WNT4: variants seen among roughly 807,000 people sequenced by gnomAD.
The protein encoded by WNT4 is protein Wnt-4.
Under a neutral mutation model 34.5 loss-of-function variants are expected in WNT4, and 16 were observed. The ratio of observed to expected loss-of-function variants is 0.46; its 90% CI spans 0.31 to 0.70. The LOEUF is 0.70. Ranked by LOEUF, WNT4 falls within the 30% of genes least tolerant of loss-of-function variation. The pLI, the probability that WNT4 is intolerant of heterozygous loss-of-function variation, is 0.04. For missense variants in WNT4, 379 were observed against 495.9 expected, an observed-to-expected ratio of 0.76 and a Z score of 2.24; for synonymous variants, 200 against 211.9, an observed-to-expected ratio of 0.94 and a Z score of 0.49.
rs1395492504 is a variant in WNT4 at position 22,129,654 on chromosome 1, A to C, written c.275T>G (p.Leu92Arg). Residue 92 changes from leucine (L) to arginine (R), a missense_variant, in exon 2 of 5, where the codon CTC becomes CGC. This residue lies in a region of WNT4 where 313 missense variants were observed against 445.8 expected (regional missense o/e 0.70). Coordinates refer to ENST00000290167, the MANE Select transcript of WNT4 (RefSeq NM_030761.5). Reference sequence around the variant, plus strand: ...CTTGCCGAAGACGGGCAAGGAGTCGAGTGTGGAGCAGTTCCAGCGCCGGTT... The same window carrying C: ...CTTGCCGAAGACGGGCAAGGAGTCGCGTGTGGAGCAGTTCCAGCGCCGGTT... ...FRNRRWNCST[L>R]DSLPVFGKVV... 1 of 1,613,604 alleles carries C rather than the reference A, an allele frequency of 6.2e-7. No homozygotes were observed. The highest frequency in any genetic ancestry group is 1.7e-5 in the Admixed American group (1 of 60,020).
intron 2 of WNT4, among the ~76,000 whole-genome samples, chr1:22,121,962 C>G (rs1645903047): frequency 6.6e-6 from 1 of 152,172 alleles, no homozygotes; most frequent in African/African-American, 2.4e-5. Context: ...CTACCCCCAC[C>G]AGAAGGTTCG....
In WNT4 at chr1:22,119,228, G is replaced by GTGTGTGTGTGTGTGT. The variant is rs35917567; in HGVS notation, c.*821_*822insACACACACACACACA. 1 of 120,542 alleles carries GTGTGTGTGTGTGTGT rather than the reference G, an allele frequency of 8.3e-6. No individual in the cohort carries two copies. The highest frequency in any genetic ancestry group is 1.7e-5 in the Non-Finnish European group (1 of 57,426). The allele number at this position is 120,542 out of a possible 1,614,324, so 7.5% of individuals were successfully genotyped here. On this transcript the variant is annotated 3_prime_UTR_variant, in exon 5 of 5. Transcript: ENST00000290167. ...TGTGTGTGTGTGTGTGTGTGTGTGT[G>GTGTGTGTGTGTGTGT]TTTCAGTTTCATGGAGGAACAGCGC... is the stretch of plus-strand genomic sequence containing the variant.
chr1:22,125,405 C>T (rs1011260167), intron 2 of WNT4, among the ~76,000 whole-genome samples: 3 of 152,130 alleles, frequency 2.0e-5, no homozygotes, highest in Non-Finnish European at 4.4e-5. Context: ...AATGTTCTCC[C>T]CATCACTGGG....
Position 22,137,820 on chromosome 1 carries a change from C to CG in WNT4, c.77+5025dup, listed in dbSNP as rs769980349. Among the ~76,000 whole-genome samples the CG allele has an allele frequency of 1.3e-3, 196 of 152,200 alleles. No homozygotes were observed. The highest frequency in any genetic ancestry group is 3.4e-3 in the Middle Eastern group (1 of 294). On this transcript the variant is annotated intron_variant, in intron 1 of 4. Transcript: ENST00000290167. The surrounding 1 kb of genome is among the most constrained non-coding windows in gnomAD (Gnocchi z 5.3). ...AGCAGTGAGGGGCAGAGCAGCAGAT[C>CG]GGGGGGGCAACAGACACACTTCCTG...
chr1:22,126,247 G>C (rs536103633), intron 2 of WNT4, among the ~76,000 whole-genome samples: 1 of 152,224 alleles, frequency 6.6e-6, no homozygotes. Flanking sequence ...AGGGGAGGCT[G>C]TGAGACCTGG....
chr1:22,142,918 C>T lies in WNT4; in HGVS notation c.5G>A (p.Ser2Asn). Reference protein sequence around the residue: MSPRSCLRSLRL... With the variant: MNPRSCLRSLRL... ...CAGCGAACGCAGGCACGAGCGGGGACTCATGGTGCCGCCGCGGGCGCCCGG... is the reference window on the plus strand; with the variant it reads ...CAGCGAACGCAGGCACGAGCGGGGATTCATGGTGCCGCCGCGGGCGCCCGG... Residue 2 changes from serine to asparagine, a missense_variant, in exon 1 of 5, where the codon AGT (serine) becomes AAT (asparagine). By Grantham distance (46) the Ser-to-Asn change is conservative. Coordinates refer to ENST00000290167, the MANE Select transcript of WNT4 (RefSeq NM_030761.5). The surrounding 1 kb of genome is among the most constrained non-coding windows in gnomAD (Gnocchi z 6.0). The T allele has an allele frequency of 8.7e-7, 1 of 1,155,178 alleles. No individual in the cohort carries two copies. The highest frequency in any genetic ancestry group is 1.1e-6 in the Non-Finnish European group (1 of 915,766). 71.6% of individuals were successfully genotyped at this position (1,155,178 alleles called of 1,614,324 possible).
chr1:22,121,624 T>C, intron 2 of WNT4, 48 bp from the exon 3 acceptor site: 1 of 1,600,248 alleles, frequency 6.2e-7, no homozygotes, highest in Non-Finnish European at 8.5e-7. Flanking sequence ...GGCTCCTCCC[T>C]GCACCCTCCT....
intron 1 of WNT4, 141 bp from the exon 2 acceptor site, chr1:22,129,992 A>T (rs1481325046): frequency 2.1e-6 from 2 of 962,098 alleles, no homozygotes; most frequent in African/African-American, 3.2e-5. Context: ...CTCTGGATCC[A>T]GTTACAGGCC....
intron 1 of WNT4, among the ~76,000 whole-genome samples, chr1:22,135,241 A>G (rs1469095005): frequency 2.0e-5 from 3 of 152,204 alleles, no homozygotes; most frequent in Non-Finnish European, 4.4e-5. Flanking sequence ...ATACTCTGCA[A>G]TCAATAGTCA....
intron 1 of WNT4, among the ~76,000 whole-genome samples, chr1:22,133,521 CAGAG>C (rs1645998959): frequency 6.6e-6 from 1 of 152,220 alleles, no homozygotes; most frequent in Non-Finnish European, 1.5e-5. Context: ...CTAGGGGTGA[CAGAG>C]AGCCAGGGCG....
rs1235764107 is a variant in WNT4 at position 22,134,005 on chromosome 1, C to A, written c.78-4154G>T. Among the ~76,000 whole-genome samples, 1 of 152,272 alleles carries A rather than the reference C, an allele frequency of 6.6e-6. No homozygotes were observed. The highest frequency in any genetic ancestry group is 1.5e-5 in the Non-Finnish European group (1 of 68,054). On this transcript the variant is annotated intron_variant, in intron 1 of 4. Coordinates refer to ENST00000290167, the MANE Select transcript of WNT4 (RefSeq NM_030761.5). This position sits in a 1 kb window ranked among gnomAD's most constrained non-coding sequence, Gnocchi z 4.1. ...ACAAATTCCTAGAGGAAAATCTGCACCTCTGCGACTCCTCCCAGCTCTTAC... is the reference window on the plus strand; with the variant it reads ...ACAAATTCCTAGAGGAAAATCTGCAACTCTGCGACTCCTCCCAGCTCTTAC...
chr1:22,126,922 CCCTT>C (rs1645944754), intron 2 of WNT4: 1 of 259,894 alleles, frequency 3.8e-6, no homozygotes, highest in South Asian at 4.0e-5. Flanking sequence ...CTCGGCCTCA[CCCTT>C]CCTCCATCTG....
In WNT4 at chr1:22,137,823, G is replaced by A. The variant is rs1016224349; in HGVS notation, c.77+5023C>T. On this transcript the variant is annotated intron_variant, in intron 1 of 4. Transcript: ENST00000290167. The surrounding 1 kb of genome is among the most constrained non-coding windows in gnomAD (Gnocchi z 5.3). ...AGTGAGGGGCAGAGCAGCAGATCGG[G>A]GGGGCAACAGACACACTTCCTGCCA... 6.6e-6 allele frequency among the ~76,000 whole-genome samples: 1 copy of A among 152,170 alleles called. No homozygotes were observed. The highest frequency in any genetic ancestry group is 1.5e-5 in the Non-Finnish European group (1 of 68,030).
chr1:22,141,680 C>A (rs1039591637), intron 1 of WNT4, among the ~76,000 whole-genome samples: 8 of 152,310 alleles, frequency 5.3e-5, no homozygotes, highest in Non-Finnish European at 1.0e-4. Flanking sequence ...TGGCTCTGAC[C>A]CCAACGAACA....
At position 22,119,763 on chromosome 1, in the gene WNT4, C is replaced by T; in HGVS notation, c.*287G>A. Reference sequence around the variant, plus strand: ...AGGTCTGCAAGTAGAAAAACGGACACAGATAACAACTGAGTGGTCAGTGGC... The same window carrying T: ...AGGTCTGCAAGTAGAAAAACGGACATAGATAACAACTGAGTGGTCAGTGGC... On this transcript the variant is annotated 3_prime_UTR_variant, in exon 5 of 5. Transcript: ENST00000290167. 1 of 532,030 alleles carries T rather than the reference C, an allele frequency of 1.9e-6. No individual in the cohort carries two copies. The highest frequency in any genetic ancestry group is 3.4e-6 in the Non-Finnish European group (1 of 293,780). 33.0% of individuals were successfully genotyped at this position (532,030 alleles called of 1,614,324 possible).
chr1:22,125,473 G>A (rs10917155), intron 2 of WNT4, among the ~76,000 whole-genome samples: 7,632 of 152,208 alleles, frequency 0.05, 298 homozygotes, highest in East Asian at 0.2. Flanking sequence ...AGTGAGGGAC[G>A]CCCAAGACCA....
At position 22,134,327 on chromosome 1, in the gene WNT4, G is replaced by A. The variant is rs1646005684; in HGVS notation, c.78-4476C>T. ...TGCCTTGGGGGATGCGGGCCAGTGG[G>A]GGCGAAAGTGACCACAGTCCCCATC... On this transcript the variant is annotated intron_variant, in intron 1 of 4. Transcript: ENST00000290167. This position sits in a 1 kb window ranked among gnomAD's most constrained non-coding sequence, Gnocchi z 4.1. 6.6e-6 allele frequency among the ~76,000 whole-genome samples: 1 copy of A among 152,190 alleles called. No individual in the cohort carries two copies. Among genetic ancestry groups the A allele is most frequent in the African/African-American group, 2.4e-5 (1 of 41,436 alleles).
chr1:22,119,817 G>C lies in WNT4; in HGVS notation c.*233C>G. On this transcript the variant is annotated 3_prime_UTR_variant, in exon 5 of 5. Transcript: ENST00000290167. ...CACATGCGGGCAGCCAGCGGCACGAGCAAGGTCCCTTTGGTCAGTGGCAGC... is the reference window on the plus strand; with the variant it reads ...CACATGCGGGCAGCCAGCGGCACGACCAAGGTCCCTTTGGTCAGTGGCAGC... The C allele has an allele frequency of 1.7e-6, 1 of 598,528 alleles. No individual in the cohort carries two copies. The allele number at this position is 598,528 out of a possible 1,614,324, so 37.1% of individuals were successfully genotyped here. A position where few individuals can be genotyped will look rare whatever the true frequency, so the allele number is the denominator to read the frequency against.
chr1:22,127,882 G>A (rs79345128), intron 2 of WNT4, among the ~76,000 whole-genome samples: 3,572 of 152,332 alleles, frequency 0.023, 71 homozygotes, highest in South Asian at 0.048. Flanking sequence ...GGTGTTTGCG[G>A]TGGAGGACAT....
Sources: gnomAD v4.1 joint callset for allele counts (sites outside exome capture counted in the v4.1 genomes callset) on GRCh38, gnomAD v4.1.1 for gene constraint, gnomAD v4.1.1 regional missense constraint, Gnocchi (gnomAD v3.1) non-coding constraint, MANE v1.5 for transcripts, NCBI Gene and HGNC (gene_info 2026-07-23, HGNC 2026-07-21) for gene names.